The following SPECC1 variants were observed in gnomAD, a reference collection of about 807,000 sequenced individuals.
SPECC1 encodes cytospin-B.
SPECC1 carries 62 observed loss-of-function variants against 104.1 expected under a neutral mutation model. The observed-to-expected ratio is 0.60, with a 90% CI of 0.49 to 0.74. SPECC1 has a LOEUF of 0.74. Among genes scored for constraint, SPECC1 ranks in the 30% least tolerant of loss-of-function variants. The probability of loss-of-function intolerance (pLI) is 0.00; values close to 1 mark genes in which losing one functional copy is unlikely to be tolerated. For synonymous variants in SPECC1, 513 were observed against 501.6 expected, an observed-to-expected ratio of 1.02 and a Z score of -0.30; for missense variants, 1,306 against 1,310.5, an observed-to-expected ratio of 1.00 and a Z score of 0.05.
chr17:20,296,078 G>A (rs542327648), intron 12 of SPECC1, among the ~76,000 whole-genome samples: 2 of 152,286 alleles, frequency 1.3e-5, no homozygotes, highest in South Asian at 4.1e-4. Flanking sequence ...TGGTGTTTTA[G>A]ACATGAAGTC....
At chr17:20,119,573 T>G (rs2048927773) in intron 3 of SPECC1, among the ~76,000 whole-genome samples, 1 of 152,246 alleles carries the variant, frequency 6.6e-6, no homozygotes, top group Non-Finnish European at 1.5e-5. Context: ...TCAACATTTT[T>G]GTAGCACCTT....
chr17:20,022,407 C>T (rs914208809), intron 1 of SPECC1, among the ~76,000 whole-genome samples: 2 of 152,106 alleles, frequency 1.3e-5, no homozygotes, highest in African/African-American at 4.8e-5. Context: ...GACATTAGCC[C>T]CTTGTTGATG....
At chr17:20,261,521 AAGC>A (rs1383106036) in intron 12 of SPECC1, among the ~76,000 whole-genome samples, 13 of 150,934 alleles carry the variant, frequency 8.6e-5, no homozygotes, top group Non-Finnish European at 1.9e-4. Flanking sequence ...AAAAAAAAAA[AAGC>A]AGACACAAGC....
intron 3 of SPECC1, among the ~76,000 whole-genome samples, chr17:20,201,733 T>C (rs1480304140): frequency 6.6e-6 from 1 of 152,216 alleles, no homozygotes; most frequent in African/African-American, 2.4e-5. Context: ...AATAATTAAA[T>C]AAGTCTTTTC....
At chr17:20,311,645 G>A (rs112371785) in intron 14 of SPECC1, among the ~76,000 whole-genome samples, 2,608 of 152,126 alleles carry the variant, frequency 0.017, 76 homozygotes, top group African/African-American at 0.059. Context: ...CACCCGCCTC[G>A]GCCTCCCAAA....
chr17:20,031,637 G>A (rs1403574763), intron 1 of SPECC1, among the ~76,000 whole-genome samples: 1 of 152,138 alleles, frequency 6.6e-6, no homozygotes, highest in Non-Finnish European at 1.5e-5. Context: ...CTGAAATTCT[G>A]TACCCATTCA....
intron 3 of SPECC1, among the ~76,000 whole-genome samples, chr17:20,127,631 C>G (rs1039716822): frequency 6.6e-6 from 1 of 151,936 alleles, no homozygotes; most frequent in African/African-American, 2.4e-5. Flanking sequence ...TACGCTCTGT[C>G]GAAGGAAGAG....
chr17:20,225,801 C>T (rs142452465), intron 4 of SPECC1, among the ~76,000 whole-genome samples: 2 of 152,284 alleles, frequency 1.3e-5, no homozygotes, highest in Non-Finnish European at 2.9e-5. Context: ...GGTGTTCCTG[C>T]AGGGAAGCCA....
intron 1 of SPECC1, among the ~76,000 whole-genome samples, chr17:20,072,385 A>C (rs968297265): frequency 8.5e-5 from 13 of 152,168 alleles, no homozygotes. Flanking sequence ...CCCAACCACT[A>C]CCACCTCCTG....
chr17:20,239,198 A>G (rs1019610432), intron 7 of SPECC1: 4 of 1,020,838 alleles, frequency 3.9e-6, no homozygotes, highest in East Asian at 6.5e-5. Flanking sequence ...ACATTTAAAT[A>G]TGAATAGATT....
chr17:20,135,244 T>A (rs2049857192), intron 3 of SPECC1, among the ~76,000 whole-genome samples: 1 of 152,204 alleles, frequency 6.6e-6, no homozygotes, highest in Non-Finnish European at 1.5e-5. Flanking sequence ...CAAATTACAG[T>A]ACAGATGGTC....
intron 3 of SPECC1, among the ~76,000 whole-genome samples, chr17:20,194,963 A>G (rs2035932737): frequency 1.3e-5 from 2 of 152,256 alleles, no homozygotes; most frequent in South Asian, 4.1e-4. Context: ...GAGCTATAAT[A>G]TAAATAGCTC....
rs917383498 is a variant in SPECC1 at position 20,189,587 on chromosome 17, GC to G, written c.284-14743del. Among the ~76,000 whole-genome samples the G allele has an allele frequency of 1.2e-4, 18 of 152,226 alleles. 1 individual carries two copies. Among genetic ancestry groups the G allele is most frequent in the African/African-American group, 3.9e-4 (16 of 41,550 alleles). On this transcript the variant is annotated intron_variant, in intron 3 of 14. Transcript: ENST00000395527. ...CAGAAACACTGAGGCTTTGTCTGCT[GC>G]CCTATCTCCCCTGCATCCTGACACA...
At chr17:20,196,709 A>G (rs1170417728) in intron 3 of SPECC1, among the ~76,000 whole-genome samples, 2 of 152,104 alleles carry the variant, frequency 1.3e-5, no homozygotes, top group African/African-American at 2.4e-5. Context: ...TCATCTTTGT[A>G]TAGCTAGGGG....
intron 1 of SPECC1, among the ~76,000 whole-genome samples, chr17:20,094,057 G>C (rs1215024807): frequency 1.3e-5 from 2 of 152,020 alleles, no homozygotes; most frequent in African/African-American, 4.8e-5. Context: ...TTGAGAAGAA[G>C]ATGGGATTTG....
At chr17:20,146,106 T>A (rs898142123) in intron 3 of SPECC1, among the ~76,000 whole-genome samples, 2 of 152,144 alleles carry the variant, frequency 1.3e-5, no homozygotes, top group Non-Finnish European at 2.9e-5. Context: ...TATGTTAGGG[T>A]TCACTTTTGG....
Position 20,205,352 on chromosome 17 carries a change from C to A in SPECC1, c.1303C>A (p.Gln435Lys). The A allele has an allele frequency of 6.2e-7, 1 of 1,613,804 alleles. No individual in the cohort carries two copies. Among genetic ancestry groups the A allele is most frequent in the Non-Finnish European group, 8.5e-7 (1 of 1,179,972 alleles). Reference sequence around the variant, plus strand: ...TCATCAGCATCGAGAGAGGGCAGAGCAGCTAAGTCAAGAAAATGAGAAGCT... The same window carrying A: ...TCATCAGCATCGAGAGAGGGCAGAGAAGCTAAGTCAAGAAAATGAGAAGCT... The part of the protein sequence containing the change: ...SFHQHRERAE[Q>K]LSQENEKLMN... Residue 435 changes from glutamine (Q) to lysine (K), a missense_variant, in exon 4 of 15, where the codon CAG becomes AAG. By Grantham distance (53) the Gln-to-Lys change is moderately conservative. Transcript: ENST00000395527.
At chr17:20,149,574 G>C (rs2031795448) in intron 3 of SPECC1, among the ~76,000 whole-genome samples, 1 of 152,204 alleles carries the variant, frequency 6.6e-6, no homozygotes, top group African/African-American at 2.4e-5. Flanking sequence ...ACTACACTGG[G>C]GGGAAATTCA....
chr17:20,214,961 G>A (rs537536985), intron 4 of SPECC1, among the ~76,000 whole-genome samples: 47 of 152,328 alleles, frequency 3.1e-4, no homozygotes, highest in African/African-American at 1.1e-3. Flanking sequence ...TGCTTCCTGG[G>A]AGAGGAAACA....
Sources: gnomAD v4.1 joint callset for allele counts (sites outside exome capture counted in the v4.1 genomes callset) on GRCh38, gnomAD v4.1.1 for gene constraint, MANE v1.5 for transcripts, NCBI Gene and HGNC (gene_info 2026-07-23, HGNC 2026-07-21) for gene names.